The following DAB1 variants were observed in gnomAD, a reference collection of about 807,000 sequenced individuals.
DAB1 encodes DAB adaptor protein 1, also known as disabled homolog 1.
Under a neutral mutation model 64.6 loss-of-function variants are expected in DAB1, and 15 were observed. The ratio of observed to expected loss-of-function variants is 0.23; its 90% CI spans 0.16 to 0.36. The LOEUF (loss-of-function observed/expected upper bound fraction) is 0.36. Among genes scored for constraint, DAB1 ranks in the 10% least tolerant of loss-of-function variants. The pLI is 1.00. For synonymous variants in DAB1, 235 were observed against 251.9 expected (o/e 0.93, Z 0.64); for missense variants, 596 against 706.7 (o/e 0.84, Z 1.78).
intron 10 of DAB1, among the ~76,000 whole-genome samples, chr1:57,024,296 G>A (rs1448417234): frequency 6.6e-6 from 1 of 152,144 alleles, no homozygotes; most frequent in Non-Finnish European, 1.5e-5. Context: ...ACAGGGCCTA[G>A]TCGGTGCTGG....
At chr1:57,840,686 G>A (rs1653010128) in intron 1 of DAB1, among the ~76,000 whole-genome samples, 1 of 152,048 alleles carries the variant, frequency 6.6e-6, no homozygotes, top group Non-Finnish European at 1.5e-5. Context: ...TGAGCAAGGG[G>A]GGCAAGTGCC....
At position 57,686,090 on chromosome 1, in the gene DAB1, C is replaced by A. The variant is rs963880474; in HGVS notation, n.552-36425G>T. 1.3e-4 allele frequency among the ~76,000 whole-genome samples: 20 copies of A among 151,938 alleles called. 1 individual carries two copies. Among genetic ancestry groups the A allele is most frequent in the Non-Finnish European group, 1.0e-4 (7 of 67,950 alleles). The stretch of plus-strand genomic sequence containing the variant: ...AGAATTGAAATTGAGATATAAAAAT[C>A]CTTACAAAGGATCAATAAAACCAAA... On this transcript the variant is annotated intron_variant and non_coding_transcript_variant, in intron 6 of 20. Coordinates refer to the DAB1 transcript ENST00000485760.
intron 1 of DAB1, among the ~76,000 whole-genome samples, chr1:57,403,289 G>A (rs1219680730): frequency 6.6e-6 from 1 of 152,184 alleles, no homozygotes; most frequent in Non-Finnish European, 1.5e-5. Context: ...TGAACTAGTA[G>A]GATTTGAGCC....
At chr1:58,474,039 G>C (rs1300353032) in intron 3 of DAB1, 5 of 681,468 alleles carry the variant, frequency 7.3e-6, no homozygotes, top group South Asian at 5.9e-5. Flanking sequence ...ACTTCATGGT[G>C]GCTATTAGGG....
rs74461873 is a variant in DAB1 at position 58,390,543 on chromosome 1, T to G, written n.258-47140A>C. Among the ~76,000 whole-genome samples, 193 of 152,254 alleles carry G rather than the reference T, an allele frequency of 1.3e-3. 1 individual carries two copies. In the East Asian group the frequency reaches 0.028, roughly 22 times the overall value. ...ATCGTGGAGTCAGGGGGACGTGGGA[T>G]CAGTCTTATAACTTACTGTCTCTCA... On this transcript the variant is annotated intron_variant and non_coding_transcript_variant, in intron 3 of 20. Coordinates refer to the DAB1 transcript ENST00000485760.
chr1:58,358,953 A>ACACACACACACACACACAC, intron 3 of DAB1, among the ~76,000 whole-genome samples: 1 of 123,848 alleles, frequency 8.1e-6, no homozygotes, highest in Non-Finnish European at 1.7e-5. Context: ...CTCTCTCTGT[A>ACACACACACACACACACAC]ACACACACAC....
At chr1:58,505,714 A>C (rs2100415798) in intron 3 of DAB1, among the ~76,000 whole-genome samples, 1 of 152,300 alleles carries the variant, frequency 6.6e-6, no homozygotes, top group East Asian at 1.9e-4. Flanking sequence ...CAAAAAGCTT[A>C]AATCACCAAG....
intron 2 of DAB1, among the ~76,000 whole-genome samples, chr1:57,272,441 G>A (rs1671086903): frequency 6.6e-6 from 1 of 152,128 alleles, no homozygotes; most frequent in Non-Finnish European, 1.5e-5. Flanking sequence ...TTGCTGCCTG[G>A]GCTTTGGTTT....
At chr1:57,548,074 C>G (rs927367415) in intron 7 of DAB1, among the ~76,000 whole-genome samples, 2 of 152,114 alleles carry the variant, frequency 1.3e-5, no homozygotes, top group Non-Finnish European at 2.9e-5. Context: ...TTATCTGTGT[C>G]TATAATAGGT....
At chr1:57,076,493 G>C (rs1175824131) in intron 4 of DAB1, among the ~76,000 whole-genome samples, 1 of 152,160 alleles carries the variant, frequency 6.6e-6, no homozygotes, top group African/African-American at 2.4e-5. Context: ...GTTGTCACTA[G>C]AGAATTTCAA....
intron 2 of DAB1, among the ~76,000 whole-genome samples, chr1:57,228,481 A>T (rs1667433633): frequency 6.6e-6 from 1 of 152,246 alleles, no homozygotes; most frequent in African/African-American, 2.4e-5. Context: ...ACCTAACCTC[A>T]GATGTATTCA....
intron 1 of DAB1, chr1:58,527,380 A>T: frequency 1.2e-6 from 1 of 851,054 alleles, no homozygotes; most frequent in South Asian, 1.3e-5. Flanking sequence ...AATTTATTTC[A>T]CGAAAAAAGG....
chr1:57,044,595 A>G (rs1570580692), intron 9 of DAB1, among the ~76,000 whole-genome samples: 1 of 152,316 alleles, frequency 6.6e-6, no homozygotes, highest in African/African-American at 2.4e-5. Context: ...GGAATGAAGA[A>G]GGCATAGTTA....
chr1:58,070,098 C>G (rs976524350), intron 5 of DAB1, among the ~76,000 whole-genome samples: 6 of 152,230 alleles, frequency 3.9e-5, no homozygotes, highest in Non-Finnish European at 7.3e-5. Flanking sequence ...GGAGCTGACA[C>G]AATTTCAGAT....
At chr1:57,751,807 C>T (rs1228479603) in intron 6 of DAB1, among the ~76,000 whole-genome samples, 2 of 150,884 alleles carry the variant, frequency 1.3e-5, no homozygotes, top group African/African-American at 4.9e-5. Context: ...GATAAGGGGG[C>T]TCTCCTCTCC....
chr1:58,142,886 T>C (rs1490611745), intron 5 of DAB1, among the ~76,000 whole-genome samples: 1 of 152,236 alleles, frequency 6.6e-6, no homozygotes, highest in Admixed American at 6.5e-5. Context: ...AAGAATCAGT[T>C]GCCTGAACTT....
In DAB1 at chr1:58,076,181, T is replaced by C. The variant is rs934466558; in HGVS notation, n.387+74330A>G. Reference sequence around the variant, plus strand: ...GACAAAGATCCTTCTGTGATGGTGATGGTTCATGTCTATTTACTCTCTTAA... The same window carrying C: ...GACAAAGATCCTTCTGTGATGGTGACGGTTCATGTCTATTTACTCTCTTAA... On this transcript the variant is annotated intron_variant and non_coding_transcript_variant, in intron 5 of 20. Coordinates refer to the DAB1 transcript ENST00000485760. Among the ~76,000 whole-genome samples the C allele has an allele frequency of 3.9e-5, 6 of 152,332 alleles. 1 individual carries two copies. In the South Asian group the frequency reaches 8.3e-4, roughly 21 times the overall value.
In DAB1 at chr1:57,773,744, T is replaced by C. The variant is rs77746084; in HGVS notation, n.551+110255A>G. On this transcript the variant is annotated intron_variant and non_coding_transcript_variant, in intron 6 of 20. Transcript: ENST00000485760. Reference sequence around the variant, plus strand: ...TATAAATATCCAGCAATTCCACCACTATTTGGTAAAAAGAGTCTTTTCTCC... The same window carrying C: ...TATAAATATCCAGCAATTCCACCACCATTTGGTAAAAAGAGTCTTTTCTCC... Among the ~76,000 whole-genome samples the C allele has an allele frequency of 3.5e-3, 531 of 152,108 alleles. 1 individual carries two copies. The highest frequency in any genetic ancestry group is 0.012 in the African/African-American group (496 of 41,554).
intron 1 of DAB1, among the ~76,000 whole-genome samples, chr1:57,360,495 C>G (rs1366928234): frequency 6.6e-6 from 1 of 152,076 alleles, no homozygotes; most frequent in African/African-American, 2.4e-5. Context: ...CACTGTGCAT[C>G]ATGTTTAATT....
Sources: gnomAD v4.1 joint callset for allele counts (sites outside exome capture counted in the v4.1 genomes callset) on GRCh38, gnomAD v4.1.1 for gene constraint, MANE v1.5 for transcripts, NCBI Gene and HGNC (gene_info 2026-07-23, HGNC 2026-07-21) for gene names.